Variants in KCNAB1 observed in about 807,000 individuals in gnomAD.
KCNAB1 encodes the protein potassium voltage-gated channel subfamily A regulatory beta subunit 1.
Under a neutral mutation model 64.6 loss-of-function variants are expected in KCNAB1, and 35 were observed. The ratio of observed to expected loss-of-function variants is 0.54; its 90% CI spans 0.41 to 0.72. KCNAB1 has a LOEUF of 0.72. KCNAB1 is among the 30% of genes least tolerant of loss of function. KCNAB1 has a pLI of 0.00. For synonymous variants in KCNAB1, 177 were observed against 183.8 expected (o/e 0.96, Z 0.30); for missense variants, 401 against 512.9 (o/e 0.78, Z 2.11).
chr3:156,266,897 A>G (rs1485142300), intron 1 of KCNAB1, among the ~76,000 whole-genome samples: 1 of 152,184 alleles, frequency 6.6e-6, no homozygotes, highest in Non-Finnish European at 1.5e-5. Flanking sequence ...TGGTGAAATA[A>G]ACAGAAAAAA....
intron 6 of KCNAB1, 117 bp downstream of exon 6, chr3:156,463,863 G>A: frequency 1.7e-6 from 1 of 574,968 alleles, no homozygotes; most frequent in Non-Finnish European, 2.8e-6. Context: ...AGGGTTTTTT[G>A]TTTTTTTTTT....
At chr3:156,498,033 C>T (rs1416272889) in intron 8 of KCNAB1, among the ~76,000 whole-genome samples, 1 of 151,992 alleles carries the variant, frequency 6.6e-6, no homozygotes, top group Non-Finnish European at 1.5e-5. Flanking sequence ...TTGAAAAGAG[C>T]CCCTGTCAAA....
chr3:156,244,035 C>T (rs925214454), intron 1 of KCNAB1, among the ~76,000 whole-genome samples: 3 of 152,236 alleles, frequency 2.0e-5, no homozygotes, highest in African/African-American at 7.2e-5. Flanking sequence ...TGAACATTTC[C>T]CACATACTCC....
intron 1 of KCNAB1, among the ~76,000 whole-genome samples, chr3:156,177,311 A>G (rs1171914207): frequency 6.6e-6 from 1 of 152,148 alleles, no homozygotes; most frequent in Non-Finnish European, 1.5e-5. Context: ...CACTATACCC[A>G]GACACTTCTT....
intron 5 of KCNAB1, among the ~76,000 whole-genome samples, chr3:156,463,247 T>C (rs1342213717): frequency 1.3e-5 from 2 of 152,174 alleles, no homozygotes; most frequent in Admixed American, 6.5e-5. Context: ...GAGGAGTTCA[T>C]ATGCAATCAG....
chr3:156,470,065 C>T lies in KCNAB1; in HGVS notation c.571+4379C>T, dbSNP rs1473036847. On this transcript the variant is annotated intron_variant, in intron 7 of 13. Transcript: ENST00000490337. ...CTTCTGTGCTGGGTGACCTTAGCCA[C>T]CTGAGTTAGTTTACAGAGTATACAA... Among the ~76,000 whole-genome samples the T allele has an allele frequency of 3.9e-5, 6 of 152,150 alleles. No homozygotes were observed. In the East Asian group the frequency reaches 5.8e-4, roughly 15 times the overall value.
At chr3:156,143,860 TA>T (rs1428040550) in intron 1 of KCNAB1, among the ~76,000 whole-genome samples, 1 of 151,598 alleles carries the variant, frequency 6.6e-6, no homozygotes, top group Non-Finnish European at 1.5e-5. Context: ...TCTGTACTAA[TA>T]GCTAATAAAG....
intron 1 of KCNAB1, among the ~76,000 whole-genome samples, chr3:156,332,849 C>A (rs990585403): frequency 2.6e-5 from 4 of 152,156 alleles, no homozygotes; most frequent in African/African-American, 9.7e-5. Context: ...CTGGGGAGAT[C>A]AACTTTTTTC....
At chr3:156,326,774 C>T in intron 1 of KCNAB1, among the ~76,000 whole-genome samples, 1 of 152,236 alleles carries the variant, frequency 6.6e-6, no homozygotes, top group East Asian at 1.9e-4. Flanking sequence ...ATTTCCTCCT[C>T]CTTGAGATCT....
intron 1 of KCNAB1, among the ~76,000 whole-genome samples, chr3:156,162,716 T>TA (rs1021611950): frequency 9.9e-5 from 15 of 151,796 alleles, no homozygotes; most frequent in African/African-American, 2.7e-4. Flanking sequence ...ACCTTTGGTT[T>TA]AAAAGAAAAC....
At chr3:156,284,477 A>C (rs928875553) in intron 1 of KCNAB1, among the ~76,000 whole-genome samples, 3 of 152,142 alleles carry the variant, frequency 2.0e-5, no homozygotes, top group African/African-American at 7.2e-5. Flanking sequence ...GGCCTCCTTG[A>C]GCTGTGGTGG....
At chr3:156,371,583 G>A (rs977135095) in intron 1 of KCNAB1, among the ~76,000 whole-genome samples, 13 of 152,052 alleles carry the variant, frequency 8.5e-5, no homozygotes, top group Non-Finnish European at 1.9e-4. Context: ...AACAGGTTTT[G>A]AAAAATTACA....
intron 1 of KCNAB1, among the ~76,000 whole-genome samples, chr3:156,420,758 C>G (rs1487709984): frequency 6.6e-6 from 1 of 152,204 alleles, no homozygotes; most frequent in East Asian, 1.9e-4. Context: ...TTCCTCTATG[C>G]TAGTCAGAAG....
intron 2 of KCNAB1, among the ~76,000 whole-genome samples, chr3:156,435,826 G>A (rs1006128077): frequency 6.6e-6 from 1 of 151,520 alleles, no homozygotes; most frequent in African/African-American, 2.5e-5. Flanking sequence ...TGCATGTTCA[G>A]TTCTATTTTT....
chr3:156,205,912 G>A (rs939511970), intron 1 of KCNAB1, among the ~76,000 whole-genome samples: 4 of 152,230 alleles, frequency 2.6e-5, no homozygotes, highest in African/African-American at 9.7e-5. Context: ...CAGGCACATG[G>A]ATAGTCCTGT....
chr3:156,512,798 G>A (rs1191572575), intron 8 of KCNAB1, among the ~76,000 whole-genome samples: 3 of 152,196 alleles, frequency 2.0e-5, no homozygotes. Flanking sequence ...ATATTCTAGA[G>A]TCTTTCTCCA....
At chr3:156,370,892 A>G (rs922916682) in intron 1 of KCNAB1, among the ~76,000 whole-genome samples, 4 of 152,214 alleles carry the variant, frequency 2.6e-5, no homozygotes, top group Non-Finnish European at 5.9e-5. Context: ...GGCAGGCGGC[A>G]CAGGAAAACT....
chr3:156,438,743 T>C (rs923715022), intron 2 of KCNAB1, among the ~76,000 whole-genome samples: 3 of 152,044 alleles, frequency 2.0e-5, no homozygotes, highest in Non-Finnish European at 4.4e-5. Flanking sequence ...TGACCGGGCG[T>C]GGTGGCTCAC....
intron 1 of KCNAB1, among the ~76,000 whole-genome samples, chr3:156,353,258 T>C (rs1440319161): frequency 1.3e-5 from 2 of 152,146 alleles, no homozygotes; most frequent in Non-Finnish European, 2.9e-5. Flanking sequence ...CTTTTCCTTT[T>C]CTCTCTCCTT....
Sources: gnomAD v4.1 joint callset for allele counts (sites outside exome capture counted in the v4.1 genomes callset) on GRCh38, gnomAD v4.1.1 for gene constraint, MANE v1.5 for transcripts, NCBI Gene and HGNC (gene_info 2026-07-23, HGNC 2026-07-21) for gene names.